SIK2: variants seen among roughly 807,000 people sequenced by gnomAD.
The protein encoded by SIK2 is serine/threonine-protein kinase SIK2.
In SIK2, 29 loss-of-function variants were observed where a neutral mutation model predicts 103.2. That is an observed-to-expected ratio of 0.28 (90% CI 0.21 to 0.38). The LOEUF (loss-of-function observed/expected upper bound fraction) is 0.38, where lower values mean the gene tolerates loss of function less well. SIK2 is among the 10% of genes least tolerant of loss of function. SIK2 has a pLI of 1.00. For synonymous variants in SIK2, 412 were observed against 446.1 expected (o/e 0.92, Z 0.96); for missense variants, 879 against 1,171.0 (o/e 0.75, Z 3.64).
chr11:111,628,727 A>G (rs1201090428), intron 3 of SIK2, among the ~76,000 whole-genome samples: 2 of 151,994 alleles, frequency 1.3e-5, no homozygotes, highest in East Asian at 1.9e-4. Flanking sequence ...CAACTGGCCT[A>G]CTTTCATTTA....
chr11:111,606,450 T>C (rs1008638562), intron 1 of SIK2, among the ~76,000 whole-genome samples: 9 of 152,066 alleles, frequency 5.9e-5, no homozygotes, highest in African/African-American at 2.2e-4. Flanking sequence ...ACATGGTACA[T>C]ATATATAAAT....
chr11:111,644,301 AAAAG>A (rs1221111093), intron 3 of SIK2, among the ~76,000 whole-genome samples: 154 of 151,016 alleles, frequency 1.0e-3, no homozygotes, highest in Middle Eastern at 3.4e-3. Flanking sequence ...AAAAAAAAAA[AAAAG>A]AAAGAAAGAA....
intron 3 of SIK2, among the ~76,000 whole-genome samples, chr11:111,641,859 T>G (rs1942187936): frequency 6.6e-6 from 1 of 152,206 alleles, no homozygotes; most frequent in African/African-American, 2.4e-5. Context: ...TTGTCCCAGC[T>G]CAGCCATTAT....
chr11:111,612,657 G>A (rs567008300), intron 1 of SIK2, among the ~76,000 whole-genome samples: 2 of 152,204 alleles, frequency 1.3e-5, no homozygotes, highest in East Asian at 1.9e-4. Flanking sequence ...AATGGAGACC[G>A]CCTTCAGGTT....
intron 3 of SIK2, among the ~76,000 whole-genome samples, chr11:111,662,471 A>G (rs1565339246): frequency 6.6e-6 from 1 of 152,182 alleles, no homozygotes; most frequent in Non-Finnish European, 1.5e-5. Flanking sequence ...TAAAGGGGCC[A>G]GGTGCGGTGG....
At chr11:111,615,256 G>A (rs1941789666) in intron 1 of SIK2, among the ~76,000 whole-genome samples, 2 of 147,178 alleles carry the variant, frequency 1.4e-5, no homozygotes, top group Admixed American at 1.4e-4. Flanking sequence ...TTCAAGGCCA[G>A]CCTGGTCAAC....
intron 3 of SIK2, among the ~76,000 whole-genome samples, chr11:111,638,210 C>T (rs1230619402): frequency 1.3e-5 from 2 of 152,226 alleles, no homozygotes; most frequent in Non-Finnish European, 2.9e-5. Context: ...ATGTCAGTAT[C>T]CGGTATGCAT....
chr11:111,637,758 A>G (rs1350499746), intron 3 of SIK2, among the ~76,000 whole-genome samples: 1 of 152,128 alleles, frequency 6.6e-6, no homozygotes, highest in Admixed American at 6.6e-5. Context: ...CACTGCACCC[A>G]GCCTATAATA....
intron 4 of SIK2, among the ~76,000 whole-genome samples, chr11:111,700,572 A>G (rs1011933652): frequency 9.9e-5 from 15 of 152,220 alleles, no homozygotes; most frequent in African/African-American, 3.6e-4. Flanking sequence ...TAAGATTATC[A>G]AATACTAGTT....
chr11:111,668,281 A>G (rs1351208827), intron 3 of SIK2, among the ~76,000 whole-genome samples: 1 of 152,216 alleles, frequency 6.6e-6, no homozygotes, highest in Non-Finnish European at 1.5e-5. Context: ...TTAAGGATTC[A>G]TCACATTTTT....
chr11:111,678,192 A>G (rs1015831363), intron 3 of SIK2, among the ~76,000 whole-genome samples: 3 of 152,144 alleles, frequency 2.0e-5, no homozygotes, highest in Non-Finnish European at 4.4e-5. Flanking sequence ...GAAGCCTTTC[A>G]TGATCACCCT....
chr11:111,693,302 C>A (rs1942994000), intron 4 of SIK2, among the ~76,000 whole-genome samples: 1 of 151,622 alleles, frequency 6.6e-6, no homozygotes, highest in African/African-American at 2.4e-5. Flanking sequence ...CCACTGCCCT[C>A]CAGCCTGGTG....
intron 3 of SIK2, among the ~76,000 whole-genome samples, chr11:111,621,170 A>G (rs893144484): frequency 5.3e-5 from 8 of 152,372 alleles, no homozygotes; most frequent in African/African-American, 1.9e-4. Flanking sequence ...AACAGTCACC[A>G]CAGTCAAAAT....
At position 111,726,917 on chromosome 11, in the gene SIK2, A is replaced by G. The variant is rs375484186; in HGVS notation, c.*2788A>G. On this transcript the variant is annotated 3_prime_UTR_variant, in exon 15 of 15. Transcript: ENST00000304987. Reference sequence around the variant, plus strand: ...AAAATTTCGTTCGGCAAAAAGTGCAATATGTGTGGTACTTTATTTTTTATG... The same window carrying G: ...AAAATTTCGTTCGGCAAAAAGTGCAGTATGTGTGGTACTTTATTTTTTATG... The G allele has an allele frequency of 5.9e-5, 94 of 1,584,212 alleles. No homozygotes were observed. The highest frequency in any genetic ancestry group is 2.0e-4 in the East Asian group (9 of 44,672).
At chr11:111,692,669 G>C (rs960131676) in intron 4 of SIK2, among the ~76,000 whole-genome samples, 5 of 152,052 alleles carry the variant, frequency 3.3e-5, no homozygotes, top group Non-Finnish European at 4.4e-5. Flanking sequence ...CTTCTTGATG[G>C]CCCTGATTTT....
chr11:111,703,963 G>T (rs79327778), intron 7 of SIK2, among the ~76,000 whole-genome samples: 69 of 152,264 alleles, frequency 4.5e-4, no homozygotes, highest in African/African-American at 1.6e-3. Flanking sequence ...TTCTGTCCTC[G>T]AATAGTTAGC....
At position 111,688,011 on chromosome 11, in the gene SIK2, T is replaced by A; in HGVS notation, c.327T>A (p.Ala109=). Residue 109 remains alanine (A), a synonymous_variant, in exon 4 of 15, where the codon GCT becomes GCA. Coordinates refer to ENST00000304987, the MANE Select transcript of SIK2 (RefSeq NM_015191.3). This position sits in a 1 kb window ranked among gnomAD's most constrained non-coding sequence, Gnocchi z 4.2. The part of the protein sequence containing the change: ...AKNGEIFDYL[A]NHGRLNESEA... ...TCTCTTCATTTACAGACTATCTTGC[T>A]AATCATGGCCGGTTAAATGAGTCTG... 2 of 1,614,170 alleles carry A rather than the reference T, an allele frequency of 1.2e-6. No individual in the cohort carries two copies. The highest frequency in any genetic ancestry group is 1.7e-6 in the Non-Finnish European group (2 of 1,180,022).
rs748603745 is a variant in SIK2 at position 111,722,694 on chromosome 11, C to CACCT, written c.2086_2089dup (p.Cys697TyrfsTer14). On this transcript the variant is annotated frameshift_variant, in exon 14 of 15. Coordinates refer to ENST00000304987, the MANE Select transcript of SIK2 (RefSeq NM_015191.3). LOFTEE classifies it high-confidence loss of function. The surrounding 1 kb of genome is among the most constrained non-coding windows in gnomAD (Gnocchi z 4.4). ...CCAGCCTTCTGTCAAAGGCCCAGAA[C>CACCT]ACCTGTCAGCTTTATTGCAAAGAAC... 6.2e-7 allele frequency: 1 copy of CACCT among 1,614,070 alleles called. No homozygotes were observed. Among genetic ancestry groups the CACCT allele is most frequent in the East Asian group, 2.2e-5 (1 of 44,898 alleles).
intron 3 of SIK2, among the ~76,000 whole-genome samples, chr11:111,632,397 C>T (rs1942051230): frequency 6.6e-6 from 1 of 152,116 alleles, no homozygotes; most frequent in Non-Finnish European, 1.5e-5. Flanking sequence ...GGATCCTTAA[C>T]AAGGTCATCA....
Sources: allele counts gnomAD v4.1 joint callset (sites outside exome capture counted in the v4.1 genomes callset), GRCh38; gene constraint gnomAD v4.1.1; non-coding constraint Gnocchi (gnomAD v3.1); transcripts MANE v1.5; gene names NCBI Gene and HGNC (gene_info 2026-07-23, HGNC 2026-07-21).